Variants in ADGRB1 observed in about 807,000 individuals in gnomAD.
ADGRB1 encodes the protein brain-specific angiogenesis inhibitor 1.
A neutral mutation model predicts 175.7 loss-of-function variants in ADGRB1; 36 were observed. The ratio of observed to expected loss-of-function variants is 0.20; its 90% CI spans 0.16 to 0.27. The LOEUF is 0.27. Ranked by LOEUF, ADGRB1 falls within the 10% of genes least tolerant of loss-of-function variation. The pLI, the probability that ADGRB1 is intolerant of heterozygous loss-of-function variation, is 1.00. For synonymous variants in ADGRB1, 1,054 were observed against 979.4 expected (o/e 1.08, Z -1.42); for missense variants, 1,731 against 2,255.3 (o/e 0.77, Z 4.71).
chr8:142,477,170 G>A lies in ADGRB1; in HGVS notation c.1114G>A (p.Glu372Lys). 1 of 1,594,970 alleles carries A rather than the reference G, an allele frequency of 6.3e-7. No individual in the cohort carries two copies. The highest frequency in any genetic ancestry group is 8.5e-7 in the Non-Finnish European group (1 of 1,177,688). ...GAGCGTGTGCTCCAGCACCTGCGGC[G>A]AGGGCTGGCAGACCCGCACGCGCTT... ...PWSVCSSTCG[E>K]GWQTRTRFCV... is the part of the protein sequence containing the mutation. Residue 372 changes from glutamate (E) to lysine (K), a missense_variant, in exon 5 of 31, where the codon GAG (glutamate) becomes AAG (lysine). Transcript: ENST00000517894.
At chr8:142,538,057 G>A (rs542732504) in intron 26 of ADGRB1, among the ~76,000 whole-genome samples, 1 of 152,326 alleles carries the variant, frequency 6.6e-6, no homozygotes, top group Non-Finnish European at 1.5e-5. Context: ...ACCCGCAGCT[G>A]TGCTGGTCTT....
At chr8:142,532,519 C>T (rs925611716) in intron 24 of ADGRB1, among the ~76,000 whole-genome samples, 8 of 152,060 alleles carry the variant, frequency 5.3e-5, no homozygotes, top group Middle Eastern at 3.2e-3. Context: ...GGCAGGTGGC[C>T]GCTGGGGCTC....
At chr8:142,502,606 G>GAGGCAGAGGTGGT (rs1842676297) in intron 17 of ADGRB1, among the ~76,000 whole-genome samples, 11 of 149,548 alleles carry the variant, frequency 7.4e-5, no homozygotes, top group African/African-American at 2.2e-4. Flanking sequence ...TTTGATGATG[G>GAGGCAGAGGTGGT]GGTGGTGGCT....
At chr8:142,476,094 A>G in intron 3 of ADGRB1, among the ~76,000 whole-genome samples, 1 of 152,250 alleles carries the variant, frequency 6.6e-6, no homozygotes, top group East Asian at 1.9e-4. Context: ...TACTGCCTCC[A>G]GAATGTATTT....
Position 142,464,547 on chromosome 8 carries a change from G to T in ADGRB1, c.349G>T (p.Val117Leu), listed in dbSNP as rs766591291. The T allele has an allele frequency of 6.4e-7, 1 of 1,559,558 alleles. No individual in the cohort carries two copies. The highest frequency in any genetic ancestry group is 1.8e-5 in the Admixed American group (1 of 54,080). The change falls in exon 2 of 31, where the codon GTG becomes TTG. Residue 117 changes from valine (V) to leucine (L), a missense_variant. Around this residue, in one of 8 missense-constraint regions of ADGRB1, gnomAD observed 383 missense variants for 383.1 expected, o/e 1.00. Transcript: ENST00000517894. ...CGAGTCCACGCGCACCTACCTGGGC[G>T]TGGAGAGCTTCGACGAGGTGCTGCG... ...FLESTRTYLG[V>L]ESFDEVLRLC...
intron 23 of ADGRB1, among the ~76,000 whole-genome samples, chr8:142,525,118 C>G (rs529902931): frequency 6.6e-6 from 1 of 151,966 alleles, no homozygotes; most frequent in Non-Finnish European, 1.5e-5. Flanking sequence ...AGCAGAGAAA[C>G]GTGCATGAGG....
rs760531920 is a variant in ADGRB1, at chr8:142,477,310, A to AGCCAGGGCAGCGGGGG, written c.1222+49_1223-43dup. On this transcript the variant is annotated intron_variant, in intron 5 of 30. Coordinates refer to ENST00000517894, the MANE Select transcript of ADGRB1 (RefSeq NM_001702.3). ...GGGACCTTGGGCTGGGGCAGCGGACAGCCAGGGCAGCGGGGGGCCAGGGCA... is the reference window on the plus strand; with the variant it reads ...GGGACCTTGGGCTGGGGCAGCGGACAGCCAGGGCAGCGGGGGGCCAGGGCAGCGGGGGGCCAGGGCA... 12 of 1,505,216 alleles carry AGCCAGGGCAGCGGGGG rather than the reference A, an allele frequency of 8.0e-6. No homozygotes were observed. In the Admixed American group the frequency reaches 8.8e-5, roughly 11 times the overall value. 93.2% of individuals were successfully genotyped at this position (1,505,216 alleles called of 1,614,324 possible). A position where few individuals can be genotyped will look rare whatever the true frequency, so the allele number is the denominator to read the frequency against.
intron 23 of ADGRB1, 69 bp downstream of exon 23, chr8:142,524,373 G>T (rs1844051458): frequency 6.8e-7 from 1 of 1,462,944 alleles, no homozygotes; most frequent in African/African-American, 1.4e-5. Context: ...CTGGGCCTCG[G>T]TGCTGTCTCA....
Position 142,481,320 on chromosome 8 carries a change from T to C in ADGRB1, c.1895T>C (p.Ile632Thr). Residue 632 changes from isoleucine to threonine, a missense_variant, in exon 10 of 31, where the codon ATC becomes ACC. Physicochemically the swap from Ile to Thr is moderately conservative, Grantham distance 89. Around this residue, in one of 8 missense-constraint regions of ADGRB1, gnomAD observed 388 missense variants for 630.9 expected, o/e 0.61. Coordinates refer to ENST00000517894, the MANE Select transcript of ADGRB1 (RefSeq NM_001702.3). ...GCCTACTGGGAGCCCCCCACCTACA[T>C]CCGCTGTGTTTCCATTGACTACAGA... ...GIAYWEPPTY[I>T]RCVSIDYRNI... The C allele has an allele frequency of 6.2e-7, 1 of 1,613,832 alleles. No homozygotes were observed. The highest frequency in any genetic ancestry group is 8.5e-7 in the Non-Finnish European group (1 of 1,179,860).
chr8:142,481,721 C>G lies in ADGRB1; in HGVS notation c.2130+10C>G. ...CCCTGGGGACGTACAGGTGGGCTCC[C>G]CGAGCGGCATTTTGGAAGAGGGTGT... On this transcript the variant is annotated intron_variant, in intron 11 of 30. Coordinates refer to ENST00000517894, the MANE Select transcript of ADGRB1 (RefSeq NM_001702.3). 6.5e-7 allele frequency: 1 copy of G among 1,537,352 alleles called. No homozygotes were observed. The highest frequency in any genetic ancestry group is 8.8e-7 in the Non-Finnish European group (1 of 1,137,714).
Position 142,525,119 on chromosome 8 carries a change from G to A in ADGRB1, c.3312+815G>A, listed in dbSNP as rs541709839. On this transcript the variant is annotated intron_variant, in intron 23 of 30. Transcript: ENST00000517894. Reference sequence around the variant, plus strand: ...CACAGGCTGGGCCTAGCAGAGAAACGTGCATGAGGGGTGATGGGGAGCTAG... The same window carrying A: ...CACAGGCTGGGCCTAGCAGAGAAACATGCATGAGGGGTGATGGGGAGCTAG... Among the ~76,000 whole-genome samples the A allele has an allele frequency of 2.0e-5, 3 of 152,254 alleles. No homozygotes were observed. The East Asian group carries it at 5.8e-4, about 29-fold the overall frequency.
chr8:142,464,699 C>T lies in ADGRB1; in HGVS notation c.501C>T (p.Asp167=). The T allele has an allele frequency of 1.3e-6, 2 of 1,529,844 alleles. No individual in the cohort carries two copies. The highest frequency in any genetic ancestry group is 1.7e-6 in the Non-Finnish European group (2 of 1,143,724). 94.8% of individuals were successfully genotyped at this position (1,529,844 alleles called of 1,614,324 possible). The part of the protein sequence containing the change: ...RPRAGPPGPT[D]DFSVEYLVVG... ...GGGCCGGGCCGCCGGGCCCCACCGA[C>T]GACTTCTCCGTGGAGTACCTGGTGG... The change falls in exon 2 of 31, where the codon GAC becomes GAT. Residue 167 remains aspartate, a synonymous_variant. Coordinates refer to ENST00000517894, the MANE Select transcript of ADGRB1 (RefSeq NM_001702.3).
chr8:142,505,862 A>T (rs925411560), intron 17 of ADGRB1, among the ~76,000 whole-genome samples: 1 of 152,102 alleles, frequency 6.6e-6, no homozygotes, highest in Non-Finnish European at 1.5e-5. Flanking sequence ...CTCTCCATGC[A>T]TTTTCAGATA....
intron 7 of ADGRB1, 131 bp downstream of exon 7, chr8:142,478,491 A>G (rs1339061011): frequency 1.7e-5 from 16 of 950,198 alleles, no homozygotes; most frequent in Non-Finnish European, 2.1e-5. Flanking sequence ...TGGGGTGCAC[A>G]GTGGGGTCTG....
intron 8 of ADGRB1, 38 bp from the exon 9 acceptor site, chr8:142,479,655 T>C (rs1563695369): frequency 8.1e-6 from 13 of 1,597,412 alleles, no homozygotes; most frequent in African/African-American, 1.3e-5. Context: ...CGGCTCTCAG[T>C]ACCCCTTCCT....
Position 142,464,645 on chromosome 8 carries a change from G to A in ADGRB1, c.447G>A (p.Gln149=). ...SKQFLQMRRQ[Q]PPQHDGLRPR... ...AGTTCCTGCAGATGCGGCGCCAGCA[G>A]CCGCCCCAGCACGACGGGCTCCGGC... The change falls in exon 2 of 31, where the codon CAG becomes CAA. Residue 149 remains glutamine, a synonymous_variant. Transcript: ENST00000517894. The A allele has an allele frequency of 6.6e-7, 1 of 1,519,964 alleles. No individual in the cohort carries two copies. Among genetic ancestry groups the A allele is most frequent in the East Asian group, 2.5e-5 (1 of 39,378 alleles). The allele number at this position is 1,519,964 out of a possible 1,614,324, so 94.2% of individuals were successfully genotyped here.
At chr8:142,524,186 T>A in intron 22 of ADGRB1, 52 bp from the exon 23 acceptor site, 2 of 1,561,360 alleles carry the variant, frequency 1.3e-6, no homozygotes, top group South Asian at 2.3e-5. Context: ...GCAGCACCTC[T>A]CTGCACGCCC....
At chr8:142,497,135 C>T (rs569511251) in intron 17 of ADGRB1, among the ~76,000 whole-genome samples, 1 of 152,374 alleles carries the variant, frequency 6.6e-6, no homozygotes, top group African/African-American at 2.4e-5. Flanking sequence ...GCTGAGGAGA[C>T]TGAGGCCCAG....
intron 27 of ADGRB1, among the ~76,000 whole-genome samples, chr8:142,540,767 G>A (rs945894235): frequency 5.3e-5 from 8 of 152,120 alleles, no homozygotes; most frequent in African/African-American, 1.9e-4. Flanking sequence ...TGTCTGGGTG[G>A]GGCATGTGGG....
Sources: gnomAD v4.1 joint callset for allele counts (sites outside exome capture counted in the v4.1 genomes callset) on GRCh38, gnomAD v4.1.1 for gene constraint, gnomAD v4.1.1 regional missense constraint, MANE v1.5 for transcripts, NCBI Gene and HGNC (gene_info 2026-07-23, HGNC 2026-07-21) for gene names.